Variants in STARD13 observed in about 807,000 individuals in gnomAD.
STARD13 encodes the protein StAR related lipid transfer domain containing 13.
In STARD13, 62 loss-of-function variants were observed where a neutral mutation model predicts 106.4. That is an observed-to-expected ratio of 0.58 (90% CI 0.48 to 0.72). The LOEUF (loss-of-function observed/expected upper bound fraction) is 0.72. Ranked by LOEUF, STARD13 falls within the 30% of genes least tolerant of loss-of-function variation. The pLI, the probability that STARD13 is intolerant of heterozygous loss-of-function variation, is 0.00. For missense variants in STARD13, 1,387 were observed against 1,424.0 expected, an observed-to-expected ratio of 0.97 and a Z score of 0.42; for synonymous variants, 565 against 553.0, an observed-to-expected ratio of 1.02 and a Z score of -0.31.
the STARD13 span, among the ~76,000 whole-genome samples, chr13:33,498,303 T>A: frequency 1.7e-4 from 26 of 152,316 alleles, no homozygotes; most frequent in African/African-American, 6.3e-4. Context: ...CCAATGTTGA[T>A]GAAAAAGGTT....
chr13:33,439,763 A>T, the STARD13 span: 1 of 1,070,478 alleles, frequency 9.3e-7, no homozygotes. Flanking sequence ...TCTCAAAATT[A>T]TACCACTTTT....
the STARD13 span, among the ~76,000 whole-genome samples, chr13:33,448,199 T>G: frequency 6.6e-6 from 1 of 152,180 alleles, no homozygotes; most frequent in Non-Finnish European, 1.5e-5. Flanking sequence ...CTGAGTACAT[T>G]CAAAACCCTC....
the STARD13 span, among the ~76,000 whole-genome samples, chr13:33,388,447 A>C: frequency 1.3e-5 from 2 of 152,324 alleles, no homozygotes; most frequent in East Asian, 3.9e-4. Flanking sequence ...CCGCAGGGCC[A>C]CACCCTGCAG....
chr13:33,175,828 A>G (rs1446285959), intron 1 of STARD13, among the ~76,000 whole-genome samples: 1 of 152,176 alleles, frequency 6.6e-6, no homozygotes, highest in Non-Finnish European at 1.5e-5. Context: ...TAGGGATGCA[A>G]ACTCCTCCTG....
At position 33,129,564 on chromosome 13, in the gene STARD13, C is replaced by T. The variant is rs762560069; in HGVS notation, c.1113G>A (p.Ala371=). 3.5e-5 allele frequency: 57 copies of T among 1,614,044 alleles called. 1 individual carries two copies. The highest frequency in any genetic ancestry group is 1.9e-4 in the South Asian group (17 of 91,084). Residue 371 remains alanine (A), a synonymous_variant, in exon 5 of 14, where the codon GCG becomes GCA. Coordinates refer to ENST00000336934, the MANE Select transcript of STARD13 (RefSeq NM_178006.4). ...GMYLEDLDVL[A]GTALPDAGDQ... ...CCCCTGCATCCGGCAGTGCTGTCCC[C>T]GCCAGCACATCTAGGTCCTCCAAGT...
intron 3 of STARD13, among the ~76,000 whole-genome samples, chr13:33,163,254 A>G (rs1010614662): frequency 6.6e-6 from 1 of 152,004 alleles, no homozygotes; most frequent in Non-Finnish European, 1.5e-5. Flanking sequence ...AATTCAAGAT[A>G]AGATTTGGGT....
the STARD13 span, among the ~76,000 whole-genome samples, chr13:33,551,515 GAAAAGCA>G: frequency 2.1e-5 from 3 of 140,492 alleles, no homozygotes; most frequent in East Asian, 7.4e-4. Flanking sequence ...GCTGGATTTT[GAAAAGCA>G]AGATCCAACT....
intron 1 of STARD13, among the ~76,000 whole-genome samples, chr13:33,330,434 T>A (rs2077823591): frequency 6.6e-6 from 1 of 152,216 alleles, no homozygotes; most frequent in Admixed American, 6.5e-5. Flanking sequence ...CATTTTTTAA[T>A]CCAGTTGTTT....
chr13:33,311,310 T>C (rs573928089), intron 1 of STARD13, among the ~76,000 whole-genome samples: 1 of 151,896 alleles, frequency 6.6e-6, no homozygotes, highest in East Asian at 1.9e-4. Flanking sequence ...AAAATAAAAC[T>C]AAAAATAAAA....
At chr13:33,337,675 G>A (rs2077912176) in intron 1 of STARD13, among the ~76,000 whole-genome samples, 1 of 152,152 alleles carries the variant, frequency 6.6e-6, no homozygotes, top group Non-Finnish European at 1.5e-5. Context: ...ATACTCAAGG[G>A]ACTGTTTCCA....
rs757299597 is a variant in STARD13, at chr13:33,129,733, G to C, written c.944C>G (p.Pro315Arg). ...QIPNGDLQNSPPPACRKGLPC... is the reference protein window; with the variant it reads ...QIPNGDLQNSRPPACRKGLPC... ...GAGCCCTTTTCTGCAGGCAGGTGGC[G>C]GCGAATTCTGGAGATCTCCATTTGG... The change falls in exon 5 of 14, where the codon CCG becomes CGG. Residue 315 changes from proline (P) to arginine (R), a missense_variant. Physicochemically the swap from Pro to Arg is moderately radical, Grantham distance 103. Transcript: ENST00000336934. 1 of 1,613,964 alleles carries C rather than the reference G, an allele frequency of 6.2e-7. No individual in the cohort carries two copies. Among genetic ancestry groups the C allele is most frequent in the East Asian group, 2.2e-5 (1 of 44,888 alleles).
chr13:33,380,307 T>C, the STARD13 span, among the ~76,000 whole-genome samples: 1 of 150,786 alleles, frequency 6.6e-6, no homozygotes, highest in African/African-American at 2.4e-5. Flanking sequence ...CCCAGCTACT[T>C]GGGAGGCTGA....
intron 1 of STARD13, among the ~76,000 whole-genome samples, chr13:33,252,920 C>T (rs1210737384): frequency 2.0e-5 from 3 of 152,210 alleles, no homozygotes; most frequent in Non-Finnish European, 4.4e-5. Context: ...GTGAGCACAT[C>T]ACCCACCAAG....
intron 1 of STARD13, among the ~76,000 whole-genome samples, chr13:33,320,464 T>C (rs10507405): frequency 0.16 from 24,572 of 152,156 alleles, 2,597 homozygotes; most frequent in Non-Finnish European, 0.22. Flanking sequence ...ATGTAGTATG[T>C]ATTATGTGGA....
At chr13:33,187,026 C>T (rs1885829186) in intron 1 of STARD13, among the ~76,000 whole-genome samples, 1 of 152,220 alleles carries the variant, frequency 6.6e-6, no homozygotes, top group African/African-American at 2.4e-5. Flanking sequence ...CTGCCCTGAT[C>T]ACTCTCCCAT....
chr13:33,465,880 G>A, the STARD13 span, among the ~76,000 whole-genome samples: 1 of 152,166 alleles, frequency 6.6e-6, no homozygotes, highest in African/African-American at 2.4e-5. Flanking sequence ...TCTCATTAAT[G>A]TAGTAGACAT....
the STARD13 span, among the ~76,000 whole-genome samples, chr13:33,389,290 C>A: frequency 3.3e-5 from 5 of 151,992 alleles, no homozygotes; most frequent in Non-Finnish European, 5.9e-5. Context: ...AAGACAACAC[C>A]CAGTACATAA....
the STARD13 span, among the ~76,000 whole-genome samples, chr13:33,581,304 A>G: frequency 6.6e-6 from 1 of 152,234 alleles, no homozygotes; most frequent in Non-Finnish European, 1.5e-5. Flanking sequence ...TAAATATAGT[A>G]GATCTATAAA....
At chr13:33,292,936 C>T (rs1370922883) in intron 1 of STARD13, among the ~76,000 whole-genome samples, 1 of 152,028 alleles carries the variant, frequency 6.6e-6, no homozygotes, top group East Asian at 1.9e-4. Context: ...ACAATCTAGT[C>T]CCTGCCAACC....
Sources: allele counts gnomAD v4.1 joint callset (sites outside exome capture counted in the v4.1 genomes callset), GRCh38; gene constraint gnomAD v4.1.1; transcripts MANE v1.5; gene names NCBI Gene and HGNC (gene_info 2026-07-23, HGNC 2026-07-21).